Variants in STXBP5 observed in about 807,000 individuals in gnomAD.
STXBP5 encodes syntaxin binding protein 5.
In STXBP5, 50 loss-of-function variants were observed where a neutral mutation model predicts 152.4. That is an observed-to-expected ratio of 0.33 (90% CI 0.26 to 0.42). The LOEUF is 0.42. STXBP5 is among the 10% of genes least tolerant of loss of function. The probability of loss-of-function intolerance (pLI) is 1.00; values close to 1 mark genes in which losing one functional copy is unlikely to be tolerated. For missense variants in STXBP5, 1,167 were observed against 1,388.6 expected (o/e 0.84, Z 2.54); for synonymous variants, 492 against 494.7 (o/e 0.99, Z 0.07).
At chr6:147,253,722 G>A (rs1255895272) in intron 4 of STXBP5, among the ~76,000 whole-genome samples, 2 of 151,964 alleles carry the variant, frequency 1.3e-5, no homozygotes, top group African/African-American at 4.8e-5. Context: ...AAAATACCTA[G>A]GAATACAACT....
At chr6:147,337,042 C>G (rs1490209576) in intron 19 of STXBP5, among the ~76,000 whole-genome samples, 1 of 151,928 alleles carries the variant, frequency 6.6e-6, no homozygotes, top group African/African-American at 2.4e-5. Flanking sequence ...TTAATTCTGC[C>G]TACTGAACAT....
chr6:147,306,084 C>G (rs1259458984), intron 9 of STXBP5, among the ~76,000 whole-genome samples: 1 of 152,168 alleles, frequency 6.6e-6, no homozygotes, highest in Non-Finnish European at 1.5e-5. Context: ...TTCCACCCTG[C>G]TGTAGGTATG....
At chr6:147,366,148 C>A (rs1015344117) in intron 25 of STXBP5, among the ~76,000 whole-genome samples, 1 of 152,094 alleles carries the variant, frequency 6.6e-6, no homozygotes, top group East Asian at 1.9e-4. Flanking sequence ...CAGGTAAATT[C>A]GAGAGAAAAG....
intron 26 of STXBP5, among the ~76,000 whole-genome samples, chr6:147,381,941 G>A (rs1231816702): frequency 6.6e-6 from 1 of 152,024 alleles, no homozygotes; most frequent in Non-Finnish European, 1.5e-5. Context: ...GAGATGCTCT[G>A]GTATTCATTA....
Position 147,385,004 on chromosome 6 carries a change from G to A in STXBP5, c.*249G>A. 2.1e-6 allele frequency: 1 copy of A among 466,606 alleles called. No homozygotes were observed. Among genetic ancestry groups the A allele is most frequent in the African/African-American group, 2.0e-5 (1 of 49,660 alleles). 28.9% of individuals were successfully genotyped at this position (466,606 alleles called of 1,614,324 possible). A position where few individuals can be genotyped will look rare whatever the true frequency, so the allele number is the denominator to read the frequency against. On this transcript the variant is annotated 3_prime_UTR_variant, in exon 28 of 28. Transcript: ENST00000321680. ...TTTGGGAATTAAACAGGTCACACGT[G>A]ACAGATGAAGAAACCAAGGGGGCTG...
chr6:147,283,829 A>T (rs1390931160), intron 8 of STXBP5, among the ~76,000 whole-genome samples: 1 of 152,192 alleles, frequency 6.6e-6, no homozygotes, highest in African/African-American at 2.4e-5. Flanking sequence ...CCGTAAATCA[A>T]CTTTGTACAC....
chr6:147,268,484 T>G (rs1021875244), intron 7 of STXBP5, among the ~76,000 whole-genome samples: 34 of 152,322 alleles, frequency 2.2e-4, no homozygotes, highest in Middle Eastern at 3.4e-3. Context: ...TTGAATACTT[T>G]GCACATGTTT....
intron 2 of STXBP5, among the ~76,000 whole-genome samples, chr6:147,233,210 A>G (rs1176675469): frequency 6.6e-6 from 1 of 151,812 alleles, no homozygotes; most frequent in East Asian, 1.9e-4. Context: ...CAGTCACTTA[A>G]AATTTCCCTC....
At chr6:147,314,518 C>A in intron 13 of STXBP5, 78 bp from the exon 14 acceptor site, 7 of 1,477,830 alleles carry the variant, frequency 4.7e-6, no homozygotes, top group Non-Finnish European at 4.6e-6. Flanking sequence ...ATTTTGTTGA[C>A]TTTTTAATAG....
At chr6:147,261,118 C>G (rs1289013932) in intron 5 of STXBP5, among the ~76,000 whole-genome samples, 1 of 151,748 alleles carries the variant, frequency 6.6e-6, no homozygotes, top group Non-Finnish European at 1.5e-5. Context: ...GAGTTGCCAC[C>G]AATGTTTGGA....
intron 23 of STXBP5, among the ~76,000 whole-genome samples, chr6:147,361,373 A>G (rs1322039843): frequency 6.6e-6 from 1 of 152,232 alleles, no homozygotes; most frequent in African/African-American, 2.4e-5. Context: ...AATTAGCTGT[A>G]AAGTGAATAC....
At chr6:147,326,572 A>G (rs1783268469) in intron 17 of STXBP5, among the ~76,000 whole-genome samples, 3 of 152,132 alleles carry the variant, frequency 2.0e-5, no homozygotes, top group Admixed American at 6.5e-5. Context: ...TCAGTTCTCC[A>G]TTCCTGGCTT....
At chr6:147,242,585 C>T (rs553325273) in intron 4 of STXBP5, among the ~76,000 whole-genome samples, 17 of 152,310 alleles carry the variant, frequency 1.1e-4, no homozygotes, top group African/African-American at 4.1e-4. Context: ...TACATTTTTA[C>T]TGTACCTTTT....
intron 23 of STXBP5, among the ~76,000 whole-genome samples, chr6:147,362,880 T>C (rs930404718): frequency 4.6e-5 from 7 of 152,184 alleles, no homozygotes; most frequent in Admixed American, 1.3e-4. Context: ...AGTCTCACCA[T>C]GCGCTGCAGT....
chr6:147,258,220 A>G (rs2115325417), intron 4 of STXBP5, among the ~76,000 whole-genome samples: 1 of 152,294 alleles, frequency 6.6e-6, no homozygotes, highest in African/African-American at 2.4e-5. Context: ...CTACGTTTGA[A>G]ATCTGTTTGT....
At chr6:147,382,439 T>C (rs1239653083) in intron 26 of STXBP5, among the ~76,000 whole-genome samples, 2 of 152,164 alleles carry the variant, frequency 1.3e-5, no homozygotes, top group African/African-American at 4.8e-5. Context: ...ATCTTTCGTT[T>C]TTTGCACAAA....
intron 9 of STXBP5, among the ~76,000 whole-genome samples, chr6:147,294,655 T>TA (rs1781431386): frequency 6.6e-6 from 1 of 152,170 alleles, no homozygotes; most frequent in Non-Finnish European, 1.5e-5. Context: ...GGCTGTGATT[T>TA]AAAAAAGTAT....
chr6:147,325,758 A>G (rs907101037), intron 17 of STXBP5, among the ~76,000 whole-genome samples: 3 of 152,070 alleles, frequency 2.0e-5, no homozygotes, highest in Non-Finnish European at 4.4e-5. Flanking sequence ...TGCTAGCCCT[A>G]GGGACTCATT....
At chr6:147,228,388 G>T (rs1165241061) in intron 2 of STXBP5, among the ~76,000 whole-genome samples, 1 of 151,690 alleles carries the variant, frequency 6.6e-6, no homozygotes, top group Admixed American at 6.6e-5. Context: ...GTGGTCGCTT[G>T]TTTGTTTTTT....
Sources: allele counts gnomAD v4.1 joint callset (sites outside exome capture counted in the v4.1 genomes callset), GRCh38; gene constraint gnomAD v4.1.1; transcripts MANE v1.5; gene names NCBI Gene and HGNC (gene_info 2026-07-23, HGNC 2026-07-21).